The following AGMO variants were observed in gnomAD, a reference collection of about 807,000 sequenced individuals.
AGMO encodes glyceryl-ether monooxygenase.
In AGMO, 75 loss-of-function variants were observed where a neutral mutation model predicts 60.2. That is an observed-to-expected ratio of 1.25 (90% CI 1.03 to 1.51). The LOEUF (loss-of-function observed/expected upper bound fraction) is 1.51, where lower values mean the gene tolerates loss of function less well. AGMO is among the 40% of genes most tolerant of loss of function. AGMO has a pLI of 0.00. For synonymous variants in AGMO, 261 were observed against 177.1 expected, an observed-to-expected ratio of 1.47 and a Z score of -3.76; for missense variants, 763 against 525.5, an observed-to-expected ratio of 1.45 and a Z score of -4.42.
chr7:15,414,475 TACAC>T lies in AGMO; in HGVS notation c.609+4079_609+4082del, dbSNP rs112635860. 9.7e-3 allele frequency among the ~76,000 whole-genome samples: 1,420 copies of T among 146,490 alleles called. 16 individuals are homozygous for T. Among genetic ancestry groups the T allele is most frequent in the African/African-American group, 0.033 (1,295 of 39,740 alleles). On this transcript the variant is annotated intron_variant, in intron 5 of 12. Transcript: ENST00000342526. ...ATTTAATCCCTAGAATAGACACACATACACACACACACACACACACACAAAGAGA... is the reference window on the plus strand; with the variant it reads ...ATTTAATCCCTAGAATAGACACACATACACACACACACACACACAAAGAGA...
At chr7:15,560,369 T>G (rs1785271346) in intron 1 of AGMO, 98 bp from the exon 2 acceptor site, 1 of 1,328,172 alleles carries the variant, frequency 7.5e-7, no homozygotes, top group Admixed American at 2.2e-5. Flanking sequence ...GGCCCAGATT[T>G]GGGAAGCCCT....
rs187736096 is a variant in AGMO at position 15,377,725 on chromosome 7, A to T, written c.1074+7721T>A. 2.5e-4 allele frequency among the ~76,000 whole-genome samples: 38 copies of T among 152,178 alleles called. No individual in the cohort carries two copies. In the East Asian group the frequency reaches 6.6e-3, roughly 26 times the overall value. ...CCTGGCTTTTCTTTTGGTCTCATTC[A>T]ACTATTTAAGCTCTATTAATGATGT... On this transcript the variant is annotated intron_variant, in intron 10 of 12. Coordinates refer to ENST00000342526, the MANE Select transcript of AGMO (RefSeq NM_001004320.2).
chr7:15,529,796 CTATATATATATTCTA>C lies in AGMO; in HGVS notation c.409+14961_409+14975del, dbSNP rs1368581935. 4.8e-3 allele frequency among the ~76,000 whole-genome samples: 373 copies of C among 77,816 alleles called. 142 individuals carry two copies. The highest frequency in any genetic ancestry group is 0.022 in the African/African-American group (362 of 16,628). The allele number at this position is 77,816 out of a possible 152,430, so 51.1% of individuals were successfully genotyped here. A position where few individuals can be genotyped will look rare whatever the true frequency, so the allele number is the denominator to read the frequency against. On this transcript the variant is annotated intron_variant, in intron 3 of 12. Transcript: ENST00000342526. ...TATATATTTCTCTATATATATTTCT[CTATATATATATTCTA>C]TATATATATTTCCATATATATTCTA...
intron 3 of AGMO, among the ~76,000 whole-genome samples, chr7:15,518,069 C>T (rs1183252100): frequency 1.3e-5 from 2 of 152,146 alleles, no homozygotes; most frequent in Non-Finnish European, 2.9e-5. Flanking sequence ...CTGGGCGGAG[C>T]CTACCGCAGC....
chr7:15,502,299 G>A (rs185703684), intron 3 of AGMO, among the ~76,000 whole-genome samples: 258 of 151,338 alleles, frequency 1.7e-3, no homozygotes, highest in Middle Eastern at 0.01. Context: ...ACATTCTTTC[G>A]CTCCCCCCAA....
intron 3 of AGMO, among the ~76,000 whole-genome samples, chr7:15,467,296 T>G (rs986045163): frequency 1.2e-4 from 18 of 152,276 alleles, no homozygotes; most frequent in Middle Eastern, 3.4e-3. Context: ...TTAGGGAACA[T>G]TAAAGGCCTA....
intron 2 of AGMO, among the ~76,000 whole-genome samples, chr7:15,557,997 TTCTC>T (rs5882526): frequency 0.96 from 142,975 of 149,508 alleles, 68,451 homozygotes; most frequent in East Asian, 1. Flanking sequence ...CTTTTTTTCC[TTCTC>T]TCTCTCTCTC....
chr7:15,402,139 A>C (rs959784694), intron 5 of AGMO, among the ~76,000 whole-genome samples: 1 of 152,050 alleles, frequency 6.6e-6, no homozygotes, highest in Non-Finnish European at 1.5e-5. Context: ...GAAAATGACA[A>C]TTTTTAAAGA....
At chr7:15,237,848 C>A (rs1048543300) in intron 12 of AGMO, among the ~76,000 whole-genome samples, 1 of 152,074 alleles carries the variant, frequency 6.6e-6, no homozygotes, top group East Asian at 1.9e-4. Context: ...TAAATTATTT[C>A]TCTGCCCCTT....
chr7:15,536,124 G>A (rs1383931477), intron 3 of AGMO, among the ~76,000 whole-genome samples: 1 of 151,800 alleles, frequency 6.6e-6, no homozygotes, highest in Non-Finnish European at 1.5e-5. Flanking sequence ...CTATCTGACA[G>A]TCACTCCCCT....
At chr7:15,159,328 C>T in the AGMO span, among the ~76,000 whole-genome samples, 20 of 152,226 alleles carry the variant, frequency 1.3e-4, no homozygotes, top group African/African-American at 4.3e-4. Context: ...AAGTTTTAGT[C>T]GGATAAAAAT....
At chr7:15,406,931 G>A (rs571295636) in intron 5 of AGMO, among the ~76,000 whole-genome samples, 9,916 of 91,838 alleles carry the variant, frequency 0.11, 762 homozygotes, top group African/African-American at 0.19. Context: ...ATACACACGC[G>A]CACACACACA....
At chr7:15,253,638 G>A (rs1047361817) in intron 12 of AGMO, among the ~76,000 whole-genome samples, 1 of 152,116 alleles carries the variant, frequency 6.6e-6, no homozygotes, top group East Asian at 1.9e-4. Context: ...ATGGTATAAA[G>A]ATCAAGTCAT....
At chr7:15,520,851 G>C (rs1466919648) in intron 3 of AGMO, among the ~76,000 whole-genome samples, 2 of 152,060 alleles carry the variant, frequency 1.3e-5, no homozygotes, top group Non-Finnish European at 2.9e-5. Context: ...ACTAAGATAA[G>C]AGCAGAACTG....
chr7:15,302,561 C>A (rs1356024558), intron 12 of AGMO, among the ~76,000 whole-genome samples: 1 of 152,106 alleles, frequency 6.6e-6, no homozygotes, highest in African/African-American at 2.4e-5. Flanking sequence ...AGATTAAAAT[C>A]TTTGAAAATG....
At chr7:15,166,727 T>C in the AGMO span, among the ~76,000 whole-genome samples, 1 of 152,198 alleles carries the variant, frequency 6.6e-6, no homozygotes, top group Non-Finnish European at 1.5e-5. Flanking sequence ...ACATTCTTCA[T>C]ATATTTTTAC....
At chr7:15,368,940 GA>G (rs750056668) in intron 10 of AGMO, among the ~76,000 whole-genome samples, 1 of 152,046 alleles carries the variant, frequency 6.6e-6, no homozygotes, top group African/African-American at 2.4e-5. Flanking sequence ...ACGGGCAACT[GA>G]AACTTGGCAT....
intron 3 of AGMO, among the ~76,000 whole-genome samples, chr7:15,517,776 C>CTTT (rs149037835): frequency 7.3e-5 from 11 of 151,238 alleles, no homozygotes; most frequent in Middle Eastern, 3.4e-3. Context: ...AGGAATTTTC[C>CTTT]TTTTTTTTTG....
chr7:15,384,108 T>C (rs1421263609), intron 10 of AGMO, among the ~76,000 whole-genome samples: 2 of 152,080 alleles, frequency 1.3e-5, no homozygotes, highest in African/African-American at 2.4e-5. Context: ...CTACTTATTT[T>C]TGTATTTTTC....
Sources: allele counts gnomAD v4.1 joint callset (sites outside exome capture counted in the v4.1 genomes callset), GRCh38; gene constraint gnomAD v4.1.1; transcripts MANE v1.5; gene names NCBI Gene and HGNC (gene_info 2026-07-23, HGNC 2026-07-21).